The following DCC variants were observed in gnomAD, a reference collection of about 807,000 sequenced individuals.
DCC encodes netrin receptor DCC.
In DCC, 58 loss-of-function variants were observed where a neutral mutation model predicts 172.5. That is an observed-to-expected ratio of 0.34 (90% CI 0.27 to 0.42). The LOEUF (loss-of-function observed/expected upper bound fraction) is 0.42, where lower values mean the gene tolerates loss of function less well. DCC is among the 10% of genes least tolerant of loss of function. The pLI, the probability that DCC is intolerant of heterozygous loss-of-function variation, is 1.00. For synonymous variants in DCC, 709 were observed against 644.5 expected (o/e 1.10, Z -1.52); for missense variants, 1,740 against 1,791.0 (o/e 0.97, Z 0.51).
intron 12 of DCC, among the ~76,000 whole-genome samples, chr18:53,273,552 CA>C (rs1377862938): frequency 3.3e-5 from 5 of 152,096 alleles, no homozygotes; most frequent in African/African-American, 1.2e-4. Flanking sequence ...ATTTGATACT[CA>C]GTTCCACTTT....
intron 27 of DCC, among the ~76,000 whole-genome samples, chr18:53,519,871 T>C (rs2049739341): frequency 6.6e-6 from 1 of 152,130 alleles, no homozygotes; most frequent in South Asian, 2.1e-4. Flanking sequence ...CATTTTGATA[T>C]CCCAAAGTAA....
intron 5 of DCC, among the ~76,000 whole-genome samples, chr18:52,989,044 T>C (rs2041339663): frequency 1.3e-5 from 2 of 152,120 alleles, no homozygotes; most frequent in Non-Finnish European, 2.9e-5. Flanking sequence ...ATTTGAAATC[T>C]CTTTAAATGT....
chr18:53,499,838 CAT>C (rs920166887), intron 27 of DCC, among the ~76,000 whole-genome samples: 17 of 152,172 alleles, frequency 1.1e-4, no homozygotes, highest in Admixed American at 9.2e-4. Context: ...CATTCTGCCA[CAT>C]GAGTTCTAAG....
At chr18:52,558,139 T>A (rs1018444920) in intron 1 of DCC, among the ~76,000 whole-genome samples, 6 of 152,004 alleles carry the variant, frequency 3.9e-5, no homozygotes, top group Non-Finnish European at 7.4e-5. Context: ...CATGTAGACA[T>A]AACTGTTTAT....
At chr18:53,230,672 A>T (rs2056107040) in intron 12 of DCC, among the ~76,000 whole-genome samples, 1 of 152,070 alleles carries the variant, frequency 6.6e-6, no homozygotes, top group Non-Finnish European at 1.5e-5. Flanking sequence ...ACCAGTTAGT[A>T]ATTTTTTCCC....
chr18:53,326,304 A>G (rs1301716444), intron 14 of DCC, among the ~76,000 whole-genome samples: 2 of 152,210 alleles, frequency 1.3e-5, no homozygotes, highest in African/African-American at 4.8e-5. Context: ...GACATAATGA[A>G]AACTGAAAGC....
At chr18:53,439,747 G>A (rs1912146598) in intron 22 of DCC, among the ~76,000 whole-genome samples, 1 of 150,430 alleles carries the variant, frequency 6.6e-6, no homozygotes, top group African/African-American at 2.4e-5. Context: ...AAGCTAATAT[G>A]TGGTGATGTA....
chr18:52,913,644 G>T (rs1030089693), intron 3 of DCC, among the ~76,000 whole-genome samples: 1 of 152,018 alleles, frequency 6.6e-6, no homozygotes, highest in South Asian at 2.1e-4. Flanking sequence ...TCCACGTAAA[G>T]GAATGAATAT....
At chr18:53,326,989 C>G (rs1400543642) in intron 14 of DCC, among the ~76,000 whole-genome samples, 1 of 152,162 alleles carries the variant, frequency 6.6e-6, no homozygotes. Context: ...ATGATCTACT[C>G]ATTACTGCAT....
chr18:52,841,095 TGTATCTCAGAGTAGGAAAGGTAATG>T lies in DCC; in HGVS notation c.413-64945_413-64921del, dbSNP rs201757617. ...GAATGAGGAGAAGTAGTCATTCATC[TGTATCTCAGAGTAGGAAAGGTAATG>T]GTAAGACTTGGAGTGATGGTGGAGG... On this transcript the variant is annotated intron_variant, in intron 2 of 28. Coordinates refer to ENST00000442544, the MANE Select transcript of DCC (RefSeq NM_005215.4). Among the ~76,000 whole-genome samples the T allele has an allele frequency of 1.5e-4, 23 of 152,290 alleles. No homozygotes were observed. In the East Asian group the frequency reaches 4.4e-3, roughly 29 times the overall value.
intron 2 of DCC, among the ~76,000 whole-genome samples, chr18:52,797,127 ATC>A (rs1309506355): frequency 1.3e-5 from 2 of 151,416 alleles, no homozygotes; most frequent in Admixed American, 6.6e-5. Context: ...CTCTTAACAT[ATC>A]TGTTTCTTTT....
chr18:52,985,200 C>T (rs2041273558), intron 5 of DCC, among the ~76,000 whole-genome samples: 1 of 152,028 alleles, frequency 6.6e-6, no homozygotes, highest in Non-Finnish European at 1.5e-5. Flanking sequence ...TCTCTGTCTG[C>T]TTCCTCCATG....
chr18:53,315,241 G>A (rs556590254), intron 13 of DCC, among the ~76,000 whole-genome samples: 23 of 152,162 alleles, frequency 1.5e-4, no homozygotes, highest in East Asian at 1.2e-3. Flanking sequence ...GTGTTAGTTC[G>A]CTGAAAATGA....
At chr18:52,844,103 T>C (rs1187688698) in intron 2 of DCC, among the ~76,000 whole-genome samples, 4 of 152,124 alleles carry the variant, frequency 2.6e-5, no homozygotes, top group Non-Finnish European at 5.9e-5. Flanking sequence ...GAACACCCCA[T>C]AGGGTCATTG....
chr18:52,951,940 C>T (rs114019551), intron 5 of DCC, among the ~76,000 whole-genome samples: 1,735 of 152,260 alleles, frequency 0.011, 23 homozygotes, highest in African/African-American at 0.038. Flanking sequence ...GGATGCCCAA[C>T]TAGTATGTAT....
intron 2 of DCC, among the ~76,000 whole-genome samples, chr18:52,759,681 T>A (rs1191568244): frequency 2.0e-5 from 3 of 152,090 alleles, no homozygotes; most frequent in Non-Finnish European, 2.9e-5. Context: ...TTGAAAAACG[T>A]CAAGATAAAA....
chr18:53,019,101 C>T (rs577636501), intron 5 of DCC, among the ~76,000 whole-genome samples: 2 of 152,242 alleles, frequency 1.3e-5, no homozygotes, highest in East Asian at 3.9e-4. Context: ...CCAATGCTGT[C>T]TAGCACAATT....
chr18:52,942,435 A>AT (rs1227804805), intron 5 of DCC, among the ~76,000 whole-genome samples: 2 of 152,134 alleles, frequency 1.3e-5, no homozygotes, highest in East Asian at 3.9e-4. Flanking sequence ...TTTTAATAGC[A>AT]TGTGGGTGCC....
At chr18:53,084,616 G>A (rs544121750) in intron 7 of DCC, among the ~76,000 whole-genome samples, 118 of 152,274 alleles carry the variant, frequency 7.7e-4, no homozygotes, top group African/African-American at 2.7e-3. Context: ...TGAAGACAGA[G>A]CAAGGGCTCA....
Sources: allele counts gnomAD v4.1 joint callset (sites outside exome capture counted in the v4.1 genomes callset), GRCh38; gene constraint gnomAD v4.1.1; transcripts MANE v1.5; gene names NCBI Gene and HGNC (gene_info 2026-07-23, HGNC 2026-07-21).